Variants in ITGB5 observed in about 807,000 individuals in gnomAD.
The protein encoded by ITGB5 is integrin beta-5.
ITGB5 carries 38 observed loss-of-function variants against 84.8 expected under a neutral mutation model. That is an observed-to-expected ratio of 0.45 (90% CI 0.35 to 0.59). The LOEUF (loss-of-function observed/expected upper bound fraction) is 0.59. ITGB5 is among the 20% of genes least tolerant of loss of function. The pLI, the probability that ITGB5 is intolerant of heterozygous loss-of-function variation, is 0.01. For missense variants in ITGB5, 905 were observed against 1,034.5 expected (o/e 0.87, Z 1.72); for synonymous variants, 393 against 414.4 (o/e 0.95, Z 0.63).
chr3:124,794,708 G>C (rs2064195884), intron 10 of ITGB5, among the ~76,000 whole-genome samples: 1 of 151,934 alleles, frequency 6.6e-6, no homozygotes, highest in Non-Finnish European at 1.5e-5. Flanking sequence ...CTTGAACCCA[G>C]GAGGCACAGG....
chr3:124,878,423 G>C (rs1340223565), intron 1 of ITGB5, among the ~76,000 whole-genome samples: 2 of 152,182 alleles, frequency 1.3e-5, no homozygotes, highest in Non-Finnish European at 2.9e-5. Context: ...ATTACTAACT[G>C]TTTCTGTTAT....
At chr3:124,867,149 C>T (rs1385105552) in intron 2 of ITGB5, among the ~76,000 whole-genome samples, 2 of 152,186 alleles carry the variant, frequency 1.3e-5, no homozygotes, top group African/African-American at 4.8e-5. Flanking sequence ...CCGCTCACCC[C>T]AGCCCAGACT....
At chr3:124,789,436 T>C (rs2150958475) in intron 10 of ITGB5, among the ~76,000 whole-genome samples, 1 of 140,172 alleles carries the variant, frequency 7.1e-6, no homozygotes, top group Admixed American at 7.1e-5. Context: ...CTAGACAGGG[T>C]TATCAGAACC....
At chr3:124,888,258 G>C (rs1934913875), upstream of ITGB5, among the ~76,000 whole-genome samples, 1 of 152,098 alleles carries the variant, frequency 6.6e-6, no homozygotes, top group Non-Finnish European at 1.5e-5. Context: ...AAGGATTTGA[G>C]ACTGGCCAAT....
intron 5 of ITGB5, among the ~76,000 whole-genome samples, chr3:124,822,482 C>T (rs539691063): frequency 6.6e-6 from 1 of 152,312 alleles, no homozygotes; most frequent in South Asian, 2.1e-4. Flanking sequence ...AGGGTATCAT[C>T]CTCTCTTACT....
At chr3:124,810,950 G>A (rs1299938376) in intron 8 of ITGB5, among the ~76,000 whole-genome samples, 1 of 133,086 alleles carries the variant, frequency 7.5e-6, no homozygotes, top group Admixed American at 7.0e-5. Context: ...TTTTTGCTGA[G>A]CATATAGTGC....
At chr3:124,824,489 A>T (rs1579254920) in intron 5 of ITGB5, among the ~76,000 whole-genome samples, 1 of 152,058 alleles carries the variant, frequency 6.6e-6, no homozygotes, top group East Asian at 1.9e-4. Context: ...GATTTCTTAG[A>T]TAAGATGATT....
intron 4 of ITGB5, among the ~76,000 whole-genome samples, chr3:124,846,370 C>T (rs1481783409): frequency 6.6e-6 from 1 of 150,858 alleles, no homozygotes; most frequent in Non-Finnish European, 1.5e-5. Context: ...CCCTGAGTTA[C>T]TGCATGGAGA....
chr3:124,851,614 C>CACAT (rs965382123), intron 3 of ITGB5, among the ~76,000 whole-genome samples: 1 of 143,552 alleles, frequency 7.0e-6, no homozygotes, highest in African/African-American at 2.9e-5. Context: ...AGAAAACACA[C>CACAT]ACACACACAC....
chr3:124,864,270 T>C (rs848801), intron 2 of ITGB5, among the ~76,000 whole-genome samples: 128,200 of 151,596 alleles, frequency 0.85, 54,592 homozygotes, highest in African/African-American at 0.95. Context: ...CCACGCCCAG[T>C]TAATTTTTTG....
At chr3:124,831,776 G>C (rs1357327859) in intron 5 of ITGB5, among the ~76,000 whole-genome samples, 2 of 152,074 alleles carry the variant, frequency 1.3e-5, no homozygotes, top group Non-Finnish European at 2.9e-5. Context: ...GCAGCCCAGG[G>C]GCCCCAGTTA....
At chr3:124,882,090 G>T (rs776842421) in intron 1 of ITGB5, among the ~76,000 whole-genome samples, 3 of 152,178 alleles carry the variant, frequency 2.0e-5, no homozygotes, top group African/African-American at 7.2e-5. Context: ...AGTTGAGGAC[G>T]GGATGCATCG....
chr3:124,763,635 G>A lies in ITGB5; in HGVS notation c.2388C>T (p.Gly796=). 4 of 1,593,650 alleles carry A rather than the reference G, an allele frequency of 2.5e-6. No homozygotes were observed. The highest frequency in any genetic ancestry group is 2.2e-5 in the East Asian group (1 of 44,802). The change falls in exon 15 of 15, where the codon GGC becomes GGT. Residue 796 remains glycine (G), a synonymous_variant. Coordinates refer to ENST00000296181, the MANE Select transcript of ITGB5 (RefSeq NM_002213.5). ...TFNKFNKSYN[G]TVD is the part of the protein sequence containing the mutation. ...GGAGAAGGAAACATCAGTCCACAGT[G>A]CCATTGTAGGATTTGTTGAACTTGT...
chr3:124,873,583 G>C (rs753759336), intron 1 of ITGB5, 52 bp from the exon 2 acceptor site: 1 of 1,344,306 alleles, frequency 7.4e-7, no homozygotes, highest in Non-Finnish European at 1.1e-6. Flanking sequence ...TAAACTTCAT[G>C]GATCAAGCCT....
At chr3:124,810,067 G>A (rs1223635320) in intron 8 of ITGB5, among the ~76,000 whole-genome samples, 3 of 152,214 alleles carry the variant, frequency 2.0e-5, no homozygotes, top group Non-Finnish European at 2.9e-5. Flanking sequence ...AATACTGCTT[G>A]TAATAGCTAG....
At chr3:124,788,796 G>A (rs981952557) in intron 10 of ITGB5, among the ~76,000 whole-genome samples, 21 of 152,230 alleles carry the variant, frequency 1.4e-4, no homozygotes, top group African/African-American at 4.8e-4. Flanking sequence ...AGAGATTAAT[G>A]TATGTGAAAA....
At chr3:124,895,850 G>A (rs1285183144) in intron 1 of ITGB5, among the ~76,000 whole-genome samples, 1 of 152,184 alleles carries the variant, frequency 6.6e-6, no homozygotes, top group Non-Finnish European at 1.5e-5. Context: ...GAAGAATTGA[G>A]TTCCAGTCCT....
intron 2 of ITGB5, among the ~76,000 whole-genome samples, chr3:124,867,257 C>T (rs2065405405): frequency 6.6e-6 from 1 of 152,208 alleles, no homozygotes; most frequent in Non-Finnish European, 1.5e-5. Context: ...CATTTCCATG[C>T]ATCCATGGCC....
Position 124,873,477 on chromosome 3 carries a change from A to G in ITGB5, c.125T>C (p.Ile42Thr). 2 of 1,613,602 alleles carry G rather than the reference A, an allele frequency of 1.2e-6. 1 individual carries two copies. Among genetic ancestry groups the G allele is most frequent in the South Asian group, 2.2e-5 (2 of 91,064 alleles). ...GGAGCACCAGGCACATTTTGGGTGG[A>G]TTAGCAGACATTCTTCACATGAGGT... ...SATSCEECLL[I>T]HPKCAWCSKE... is the part of the protein sequence containing the mutation. Residue 42 changes from isoleucine to threonine, a missense_variant, in exon 2 of 15, where the codon ATC becomes ACC. Physicochemically the swap from Ile to Thr is moderately conservative, Grantham distance 89 (BLOSUM62 -1). This residue lies in a region of ITGB5 where 656 missense variants were observed against 734.7 expected (regional missense o/e 0.89). Coordinates refer to ENST00000296181, the MANE Select transcript of ITGB5 (RefSeq NM_002213.5).
Sources: allele counts gnomAD v4.1 joint callset (sites outside exome capture counted in the v4.1 genomes callset), GRCh38; gene constraint gnomAD v4.1.1; regional missense constraint gnomAD v4.1.1; transcripts MANE v1.5; gene names NCBI Gene and HGNC (gene_info 2026-07-23, HGNC 2026-07-21).